The following STON2 variants were observed in gnomAD, a reference collection of about 807,000 sequenced individuals.
STON2 encodes the protein stonin-2.
STON2 carries 29 observed loss-of-function variants against 65.7 expected under a neutral mutation model. The ratio of observed to expected loss-of-function variants is 0.44; its 90% CI spans 0.33 to 0.60. STON2 has a LOEUF of 0.60. Ranked by LOEUF, STON2 falls within the 20% of genes least tolerant of loss-of-function variation. The probability of loss-of-function intolerance (pLI) is 0.03; values close to 1 mark genes in which losing one functional copy is unlikely to be tolerated. For missense variants in STON2, 1,054 were observed against 1,118.1 expected (o/e 0.94, Z 0.82); for synonymous variants, 404 against 414.2 (o/e 0.98, Z 0.30).
chr14:81,270,717 T>G lies in STON2; in HGVS notation c.2737A>C (p.Thr913Pro), dbSNP rs1291479078. 1 of 1,614,154 alleles carries G rather than the reference T, an allele frequency of 6.2e-7. No individual in the cohort carries two copies. Residue 913 changes from threonine (T) to proline (P), a missense_variant, in exon 7 of 8, where the codon ACT becomes CCT. By Grantham distance (38) the Thr-to-Pro change is conservative (BLOSUM62 -1). Transcript: ENST00000614646. ...TAATTGACCCACTTCCTGACGTCAG[T>G]CTTGTCTTCTACAGAGATAGATCTC... The part of the protein sequence containing the change: ...SVRSISVEDK[T>P]DVRKWVNYSA...
At chr14:81,343,748 C>T (rs1357903598) in intron 4 of STON2, among the ~76,000 whole-genome samples, 2 of 152,156 alleles carry the variant, frequency 1.3e-5, no homozygotes, top group Non-Finnish European at 2.9e-5. Flanking sequence ...AAAGCTACTC[C>T]TTATCATATT....
upstream of STON2, among the ~76,000 whole-genome samples, chr14:81,402,875 A>G (rs1900675616): frequency 6.6e-6 from 1 of 152,216 alleles, no homozygotes; most frequent in Non-Finnish European, 1.5e-5. Context: ...GCTATGCTAC[A>G]GCTCTGCTTA....
chr14:81,409,953 T>C (rs541344447), intron 2 of STON2, among the ~76,000 whole-genome samples: 1 of 152,210 alleles, frequency 6.6e-6, no homozygotes, highest in Non-Finnish European at 1.5e-5. Flanking sequence ...TTCTGAAATA[T>C]AGTTCTAAAA....
chr14:81,296,346 T>A (rs1895760782), intron 5 of STON2, among the ~76,000 whole-genome samples: 1 of 152,314 alleles, frequency 6.6e-6, no homozygotes, highest in Admixed American at 6.5e-5. Flanking sequence ...CCTGTTGACA[T>A]TTAAAGTCAG....
intron 3 of STON2, among the ~76,000 whole-genome samples, chr14:81,388,692 G>A (rs532481712): frequency 6.6e-6 from 1 of 152,192 alleles, no homozygotes; most frequent in Non-Finnish European, 1.5e-5. Context: ...TTATTCTTAG[G>A]TGGCACAGTT....
chr14:81,343,021 G>A (rs1236952246), intron 4 of STON2, among the ~76,000 whole-genome samples: 1 of 152,146 alleles, frequency 6.6e-6, no homozygotes, highest in African/African-American at 2.4e-5. Flanking sequence ...CACATCTCAG[G>A]GAGGGTAGGG....
chr14:81,319,442 A>C (rs1407231421), intron 5 of STON2, among the ~76,000 whole-genome samples: 7 of 152,166 alleles, frequency 4.6e-5, no homozygotes, highest in Non-Finnish European at 8.8e-5. Context: ...AACAATATAC[A>C]TTCTAGCCAT....
upstream of STON2, among the ~76,000 whole-genome samples, chr14:81,400,778 G>T (rs909671649): frequency 6.6e-6 from 1 of 152,166 alleles, no homozygotes; most frequent in Non-Finnish European, 1.5e-5. Flanking sequence ...AGGTTGTTCG[G>T]ATTTGAGTCC....
intron 5 of STON2, among the ~76,000 whole-genome samples, chr14:81,305,480 T>A (rs949206825): frequency 7.9e-5 from 12 of 152,202 alleles, no homozygotes; most frequent in Non-Finnish European, 1.6e-4. Flanking sequence ...TACCTTTTCA[T>A]ATGTTTATTG....
chr14:81,268,510 G>A lies in STON2; in HGVS notation c.2785-13C>T. The A allele has an allele frequency of 8.5e-6, 11 of 1,289,458 alleles. No homozygotes were observed. Among genetic ancestry groups the A allele is most frequent in the Non-Finnish European group, 1.1e-5 (11 of 988,686 alleles). The allele number at this position is 1,289,458 out of a possible 1,614,324, so 79.9% of individuals were successfully genotyped here. A position where few individuals can be genotyped will look rare whatever the true frequency, so the allele number is the denominator to read the frequency against. On this transcript the variant is annotated splice_polypyrimidine_tract_variant and intron_variant, in intron 7 of 7. Transcript: ENST00000614646. ...GCTCAATTTCCACCTGCCAAGAATA[G>A]AAGTTGGAGATAAAGATCAAAAAGA...
At chr14:81,427,919 G>C (rs1902063275) in intron 1 of STON2, among the ~76,000 whole-genome samples, 1 of 152,110 alleles carries the variant, frequency 6.6e-6, no homozygotes, top group African/African-American at 2.4e-5. Flanking sequence ...ATAGCTTCTA[G>C]ATCTAAGCGA....
Position 81,278,108 on chromosome 14 carries a change from T to C in STON2, c.1374A>G (p.Leu458=). 6.2e-7 allele frequency: 1 copy of C among 1,614,078 alleles called. No homozygotes were observed. Among genetic ancestry groups the C allele is most frequent in the Non-Finnish European group, 8.5e-7 (1 of 1,180,022 alleles). ...DDPDHFGSAT[L]PDDDPVAWIE... ...TCCAGGCTACTGGGTCATCATCAGG[T>C]AGAGTTGCACTGCCAAAGTGATCAG... The change falls in exon 6 of 8, where the codon CTA becomes CTG. Residue 458 remains leucine, a synonymous_variant. Transcript: ENST00000614646.
intron 4 of STON2, among the ~76,000 whole-genome samples, chr14:81,344,707 T>G (rs1181969659): frequency 6.6e-6 from 1 of 152,204 alleles, no homozygotes. Context: ...AGAAAGATCT[T>G]CCCACAGTTC....
chr14:81,261,657 A>AAC lies in STON2; in HGVS notation c.*6756_*6757insGT. 1 of 858,670 alleles carries AAC rather than the reference A, an allele frequency of 1.2e-6. No individual in the cohort carries two copies. The highest frequency in any genetic ancestry group is 1.6e-6 in the Non-Finnish European group (1 of 637,458). 53.2% of individuals were successfully genotyped at this position (858,670 alleles called of 1,614,324 possible). ...TCACAATATTTTATACAAAATGACA[A>AAC]ATATATATATACCTCATTGATTATC... On this transcript the variant is annotated 3_prime_UTR_variant, in exon 8 of 8. Transcript: ENST00000614646.
chr14:81,423,243 C>T (rs1270117979), intron 2 of STON2, among the ~76,000 whole-genome samples: 2 of 152,080 alleles, frequency 1.3e-5, no homozygotes, highest in Admixed American at 6.5e-5. Flanking sequence ...GACTTGAAGG[C>T]CTCTCCTTGA....
At chr14:81,363,739 T>C (rs548333218) in intron 4 of STON2, among the ~76,000 whole-genome samples, 43 of 152,352 alleles carry the variant, frequency 2.8e-4, no homozygotes, top group African/African-American at 9.9e-4. Flanking sequence ...AAAAATTAGT[T>C]AACTTGTTTC....
At chr14:81,395,108 T>A (rs1281698755) in intron 3 of STON2, 1 of 152,172 alleles carries the variant, frequency 6.6e-6, no homozygotes, top group Non-Finnish European at 1.5e-5. Flanking sequence ...AATAAGAGAT[T>A]TCTCATGAAC....
intron 2 of STON2, among the ~76,000 whole-genome samples, chr14:81,397,790 T>C (rs75029553): frequency 0.027 from 4,102 of 152,244 alleles, 196 homozygotes; most frequent in African/African-American, 0.093. Context: ...TAAGCACTTT[T>C]ATGTATGAAT....
intron 5 of STON2, among the ~76,000 whole-genome samples, chr14:81,317,241 A>G (rs1377710011): frequency 6.6e-6 from 1 of 152,160 alleles, no homozygotes; most frequent in Non-Finnish European, 1.5e-5. Context: ...TAGAGGGAGC[A>G]CACGCTCATT....
Sources: allele counts gnomAD v4.1 joint callset (sites outside exome capture counted in the v4.1 genomes callset), GRCh38; gene constraint gnomAD v4.1.1; transcripts MANE v1.5; gene names NCBI Gene and HGNC (gene_info 2026-07-23, HGNC 2026-07-21).